GPC6: variants seen among roughly 807,000 people sequenced by gnomAD.
GPC6 encodes the protein glypican 6.
A neutral mutation model predicts 55.2 loss-of-function variants in GPC6; 14 were observed. The observed-to-expected ratio is 0.25, with a 90% confidence interval of 0.17 to 0.40. The LOEUF (loss-of-function observed/expected upper bound fraction) is 0.40. GPC6 is among the 10% of genes least tolerant of loss of function. GPC6 has a pLI of 1.00. For synonymous variants in GPC6, 278 were observed against 259.6 expected (o/e 1.07, Z -0.68); for missense variants, 641 against 708.5 (o/e 0.90, Z 1.08).
upstream of GPC6, among the ~76,000 whole-genome samples, chr13:93,225,493 T>TTTG (rs200942608): frequency 1.3e-3 from 20 of 15,550 alleles, no homozygotes; most frequent in African/African-American, 1.7e-3. Flanking sequence ...GGAGTTTTTT[T>TTTG]TTTTGTTTTG....
chr13:93,649,424 T>C (rs1056296297), intron 2 of GPC6, among the ~76,000 whole-genome samples: 4 of 152,190 alleles, frequency 2.6e-5, no homozygotes, highest in African/African-American at 9.6e-5. Context: ...CACTCCAGCC[T>C]GAGCGACAGA....
chr13:93,446,799 T>C (rs1328370133), intron 1 of GPC6, among the ~76,000 whole-genome samples: 1 of 152,216 alleles, frequency 6.6e-6, no homozygotes. Flanking sequence ...GTTAATAAGG[T>C]ACTTCTGTAG....
chr13:93,288,071 T>C (rs1432773193), intron 1 of GPC6, among the ~76,000 whole-genome samples: 1 of 152,206 alleles, frequency 6.6e-6, no homozygotes, highest in Admixed American at 6.5e-5. Flanking sequence ...ATCTGTGAAT[T>C]ATCTAGAGTG....
In GPC6 at chr13:93,377,648, C is replaced by G. The variant is rs1172941992; in HGVS notation, c.160+150032C>G. Among the ~76,000 whole-genome samples the G allele has an allele frequency of 2.6e-5, 4 of 152,168 alleles. No homozygotes were observed. In the East Asian group the frequency reaches 5.8e-4, roughly 22 times the overall value. On this transcript the variant is annotated intron_variant, in intron 1 of 8. Transcript: ENST00000377047. ...AATTCTTTTGTTAATGCTGTGGTTCCTTGACTTCAGTTTGGTTTGATGCAA... is the reference window on the plus strand; with the variant it reads ...AATTCTTTTGTTAATGCTGTGGTTCGTTGACTTCAGTTTGGTTTGATGCAA...
intron 4 of GPC6, among the ~76,000 whole-genome samples, chr13:94,135,587 A>G (rs1887158882): frequency 6.6e-6 from 1 of 152,260 alleles, no homozygotes. Context: ...CCCACCCGTC[A>G]GGGTTGTCTC....
chr13:93,408,079 C>A (rs1168801249), intron 1 of GPC6, among the ~76,000 whole-genome samples: 1 of 152,092 alleles, frequency 6.6e-6, no homozygotes, highest in Non-Finnish European at 1.5e-5. Flanking sequence ...CTATTTTCCT[C>A]CAAGACTCTT....
At chr13:94,020,007 C>CT (rs1157597370) in intron 3 of GPC6, among the ~76,000 whole-genome samples, 1 of 151,944 alleles carries the variant, frequency 6.6e-6, no homozygotes, top group Non-Finnish European at 1.5e-5. Flanking sequence ...TCTCTATTTG[C>CT]TTTTTTTGTT....
intron 1 of GPC6, among the ~76,000 whole-genome samples, chr13:93,287,569 GAT>G (rs1878177957): frequency 2.0e-5 from 3 of 152,318 alleles, no homozygotes; most frequent in African/African-American, 7.2e-5. Context: ...CCATTCAAAA[GAT>G]ATGAGAGAGG....
intron 4 of GPC6, among the ~76,000 whole-genome samples, chr13:94,078,804 T>G (rs9516347): frequency 0.12 from 18,593 of 151,932 alleles, 1,432 homozygotes; most frequent in East Asian, 0.29. Flanking sequence ...ATTGGTGAAT[T>G]CTACTAAACA....
chr13:93,361,040 G>C (rs886142968), intron 1 of GPC6, among the ~76,000 whole-genome samples: 1 of 151,986 alleles, frequency 6.6e-6, no homozygotes, highest in Non-Finnish European at 1.5e-5. Flanking sequence ...CCCCTCTCTT[G>C]CTGACCACCT....
chr13:93,332,802 T>C (rs976295740), intron 1 of GPC6, among the ~76,000 whole-genome samples: 3 of 152,096 alleles, frequency 2.0e-5, no homozygotes, highest in African/African-American at 7.2e-5. Flanking sequence ...GTTTTGTTTG[T>C]TTGTTTGTTT....
intron 1 of GPC6, among the ~76,000 whole-genome samples, chr13:93,313,281 A>T (rs1879135130): frequency 2.0e-5 from 2 of 102,372 alleles, no homozygotes; most frequent in Admixed American, 2.1e-4. Flanking sequence ...AAACTGTAGA[A>T]ATGAGGTAAA....
intron 3 of GPC6, among the ~76,000 whole-genome samples, chr13:93,957,846 T>C (rs1163226296): frequency 6.6e-6 from 1 of 152,184 alleles, no homozygotes; most frequent in Non-Finnish European, 1.5e-5. Flanking sequence ...AGCAGCAGTG[T>C]ATAAGCATTC....
At chr13:94,341,485 C>T (rs1332052718) in intron 6 of GPC6, among the ~76,000 whole-genome samples, 4 of 151,326 alleles carry the variant, frequency 2.6e-5, no homozygotes, top group Non-Finnish European at 5.9e-5. Context: ...CCTTGGGAGG[C>T]TGAGGCAGGA....
At chr13:93,530,674 T>C (rs1178465789) in intron 1 of GPC6, among the ~76,000 whole-genome samples, 1 of 152,118 alleles carries the variant, frequency 6.6e-6, no homozygotes, top group Non-Finnish European at 1.5e-5. Context: ...TTATTAAAAA[T>C]AAAATGCATA....
intron 2 of GPC6, among the ~76,000 whole-genome samples, chr13:93,678,857 C>T (rs1363652848): frequency 6.6e-6 from 1 of 151,978 alleles, no homozygotes; most frequent in Non-Finnish European, 1.5e-5. Context: ...AACCTGGGTC[C>T]ACCTGAACTT....
intron 5 of GPC6, among the ~76,000 whole-genome samples, chr13:94,295,396 C>T (rs1875273396): frequency 6.6e-6 from 1 of 152,090 alleles, no homozygotes; most frequent in African/African-American, 2.4e-5. Flanking sequence ...ACTCATTGGT[C>T]TTGTCTCACC....
At chr13:93,323,627 A>G (rs1175122284) in intron 1 of GPC6, among the ~76,000 whole-genome samples, 6 of 152,266 alleles carry the variant, frequency 3.9e-5, no homozygotes, top group South Asian at 2.1e-4. Flanking sequence ...TACTTACATT[A>G]TATAATTGTT....
chr13:93,260,452 T>G (rs1413317668), intron 1 of GPC6, among the ~76,000 whole-genome samples: 1 of 152,090 alleles, frequency 6.6e-6, no homozygotes, highest in Non-Finnish European at 1.5e-5. Flanking sequence ...AATTTAAGAA[T>G]AGGAAACTTT....
Sources: gnomAD v4.1 joint callset for allele counts (sites outside exome capture counted in the v4.1 genomes callset) on GRCh38, gnomAD v4.1.1 for gene constraint, MANE v1.5 for transcripts, NCBI Gene and HGNC (gene_info 2026-07-23, HGNC 2026-07-21) for gene names.